SAMD12: variants seen among roughly 807,000 people sequenced by gnomAD.
The protein encoded by SAMD12 is sterile alpha motif domain-containing protein 12.
Under a neutral mutation model 15.0 loss-of-function variants are expected in SAMD12, and 9 were observed. That is an observed-to-expected ratio of 0.60 (90% CI 0.36 to 1.05). The LOEUF is 1.05. SAMD12 is among the 50% of genes least tolerant of loss of function. The pLI is 0.01. For missense variants in SAMD12, 230 were observed against 234.2 expected (o/e 0.98, Z 0.12); for synonymous variants, 86 against 90.1 (o/e 0.96, Z 0.25).
At chr8:118,227,596 T>G (rs1233810194) in intron 4 of SAMD12, among the ~76,000 whole-genome samples, 1 of 152,178 alleles carries the variant, frequency 6.6e-6, no homozygotes, top group Non-Finnish European at 1.5e-5. Flanking sequence ...GTAAGTCACT[T>G]TCCTCATTGC....
At chr8:118,606,597 GA>G (rs1203272539) in intron 1 of SAMD12, among the ~76,000 whole-genome samples, 2 of 147,748 alleles carry the variant, frequency 1.4e-5, no homozygotes, top group Admixed American at 6.7e-5. Context: ...GAAAAGAAAA[GA>G]AAAAAAAACA....
At chr8:118,511,095 G>A (rs543932074) in intron 2 of SAMD12, among the ~76,000 whole-genome samples, 20 of 152,236 alleles carry the variant, frequency 1.3e-4, no homozygotes, top group Admixed American at 1.2e-3. Context: ...ATCTAGAACG[G>A]TAGAAGAAAA....
chr8:118,306,868 G>C (rs1016978246), intron 4 of SAMD12, among the ~76,000 whole-genome samples: 1 of 152,080 alleles, frequency 6.6e-6, no homozygotes, highest in East Asian at 1.9e-4. Context: ...GCCTTCTCCT[G>C]TTTATACTTA....
Position 118,526,423 on chromosome 8 carries a change from C to A in SAMD12, c.192+54292G>T, listed in dbSNP as rs148588900. On this transcript the variant is annotated intron_variant, in intron 2 of 3. Coordinates refer to ENST00000314727, the MANE Select transcript of SAMD12 (RefSeq NM_207506.3). ...TGTACAATTGCAGAGTCTTTGGTTT[C>A]ACCTCTATAAATTCTGCTTTGGTAG... Among the ~76,000 whole-genome samples the A allele has an allele frequency of 1.7e-3, 255 of 152,192 alleles. 1 individual carries two copies. The highest frequency in any genetic ancestry group is 4.8e-3 in the African/African-American group (200 of 41,512).
chr8:118,305,436 C>T (rs1364173127), intron 4 of SAMD12, among the ~76,000 whole-genome samples: 2 of 152,186 alleles, frequency 1.3e-5, no homozygotes, highest in East Asian at 1.9e-4. Context: ...TTCAAGATTT[C>T]TCTCTGTTAT....
chr8:118,592,065 T>A (rs1006656744), intron 1 of SAMD12, among the ~76,000 whole-genome samples: 3 of 152,210 alleles, frequency 2.0e-5, no homozygotes, highest in Non-Finnish European at 2.9e-5. Flanking sequence ...CTCATGCCTA[T>A]AATCACAGCA....
chr8:118,495,387 T>C (rs550139946), intron 2 of SAMD12, among the ~76,000 whole-genome samples: 20 of 152,292 alleles, frequency 1.3e-4, no homozygotes, highest in African/African-American at 4.3e-4. Context: ...TCCAAATATA[T>C]TGACCCTGTC....
At chr8:118,390,698 G>A (rs546941522) in intron 3 of SAMD12, among the ~76,000 whole-genome samples, 1 of 152,254 alleles carries the variant, frequency 6.6e-6, no homozygotes, top group South Asian at 2.1e-4. Flanking sequence ...CTACCTGAGA[G>A]CGCTGCCCAC....
intron 4 of SAMD12, among the ~76,000 whole-genome samples, chr8:118,230,525 T>C (rs1450011334): frequency 6.6e-6 from 1 of 152,080 alleles, no homozygotes; most frequent in Non-Finnish European, 1.5e-5. Context: ...ATGTATGCAG[T>C]CAGGTTTGAG....
At chr8:118,294,241 C>T (rs1814584167) in intron 4 of SAMD12, among the ~76,000 whole-genome samples, 2 of 152,194 alleles carry the variant, frequency 1.3e-5, no homozygotes, top group African/African-American at 2.4e-5. Flanking sequence ...CATTTTCTTG[C>T]TCAATGAGTG....
chr8:118,163,908 C>G, the SAMD12 span, among the ~76,000 whole-genome samples: 1 of 85,098 alleles, frequency 1.2e-5, no homozygotes, highest in Non-Finnish European at 2.8e-5. Context: ...CAAAACAAAA[C>G]AAAACAAAAA....
chr8:118,337,125 T>A (rs1586555896), intron 4 of SAMD12, among the ~76,000 whole-genome samples: 1 of 150,736 alleles, frequency 6.6e-6, no homozygotes, highest in African/African-American at 2.4e-5. Context: ...CAAACCTGCA[T>A]GTTGTGCACA....
At chr8:118,150,014 T>C in the SAMD12 span, among the ~76,000 whole-genome samples, 1 of 152,182 alleles carries the variant, frequency 6.6e-6, no homozygotes, top group Non-Finnish European at 1.5e-5. Flanking sequence ...TTTGCCCCCC[T>C]CCCTTCCCAT....
At position 118,387,546 on chromosome 8, in the gene SAMD12, T is replaced by C. The variant is rs575886578; in HGVS notation, c.323-7846A>G. ...TAAACACTATCCTAGTAGCTTTACA[T>C]AGATTATGTCATTGTCAACAGTTTT... is the stretch of plus-strand genomic sequence containing the variant. On this transcript the variant is annotated intron_variant, in intron 3 of 3. Coordinates refer to ENST00000314727, the MANE Select transcript of SAMD12 (RefSeq NM_207506.3). Among the ~76,000 whole-genome samples, 7 of 152,302 alleles carry C rather than the reference T, an allele frequency of 4.6e-5. No homozygotes were observed. The East Asian group carries it at 9.6e-4, about 21-fold the overall frequency.
intron 4 of SAMD12, among the ~76,000 whole-genome samples, chr8:118,321,587 A>G (rs185751904): frequency 2.6e-5 from 4 of 151,944 alleles, no homozygotes; most frequent in Admixed American, 2.0e-4. Context: ...GCACTCTAGC[A>G]TGGGCAACAG....
intron 2 of SAMD12, among the ~76,000 whole-genome samples, chr8:118,518,786 C>T (rs1357417953): frequency 1.3e-5 from 2 of 152,180 alleles, no homozygotes; most frequent in East Asian, 3.8e-4. Flanking sequence ...TTAAGTACCA[C>T]CAGGTCTTTC....
intron 4 of SAMD12, among the ~76,000 whole-genome samples, chr8:118,264,207 T>G (rs1813147999): frequency 6.6e-6 from 1 of 152,076 alleles, no homozygotes; most frequent in Non-Finnish European, 1.5e-5. Context: ...TTTACCACCC[T>G]CTGAATGTGT....
chr8:118,445,094 A>G (rs751631119), intron 2 of SAMD12, among the ~76,000 whole-genome samples: 3 of 152,160 alleles, frequency 2.0e-5, no homozygotes, highest in African/African-American at 7.2e-5. Flanking sequence ...TTTAGTTCCC[A>G]GTCCTCTCTT....
At chr8:118,399,501 C>A (rs1013067843) in intron 3 of SAMD12, among the ~76,000 whole-genome samples, 2 of 152,070 alleles carry the variant, frequency 1.3e-5, no homozygotes, top group Non-Finnish European at 2.9e-5. Context: ...CTGCATCCAA[C>A]GACTGGTAGA....
Sources: gnomAD v4.1 joint callset for allele counts (sites outside exome capture counted in the v4.1 genomes callset) on GRCh38, gnomAD v4.1.1 for gene constraint, MANE v1.5 for transcripts, NCBI Gene and HGNC (gene_info 2026-07-23, HGNC 2026-07-21) for gene names.